BMPER: variants seen among roughly 807,000 people sequenced by gnomAD.
BMPER encodes the protein BMP-binding endothelial regulator protein.
BMPER carries 45 observed loss-of-function variants against 87.3 expected under a neutral mutation model. The ratio of observed to expected loss-of-function variants is 0.52; its 90% CI spans 0.41 to 0.66. The LOEUF (loss-of-function observed/expected upper bound fraction) is 0.66. Among genes scored for constraint, BMPER ranks in the 30% least tolerant of loss-of-function variants. BMPER has a pLI of 0.00. For synonymous variants in BMPER, 326 were observed against 316.2 expected, an observed-to-expected ratio of 1.03 and a Z score of -0.33; for missense variants, 784 against 867.5, an observed-to-expected ratio of 0.90 and a Z score of 1.21.
chr7:34,095,258 G>A (rs1434853244), intron 13 of BMPER, among the ~76,000 whole-genome samples: 2 of 152,192 alleles, frequency 1.3e-5, no homozygotes, highest in Non-Finnish European at 2.9e-5. Context: ...TTTGTTGTTT[G>A]TAGGGGTAGA....
chr7:33,934,845 C>A (rs1243012939), intron 2 of BMPER, among the ~76,000 whole-genome samples: 6 of 152,210 alleles, frequency 3.9e-5, no homozygotes, highest in African/African-American at 1.2e-4. Context: ...GCCAGGTTTG[C>A]TGAATGCATA....
At chr7:33,928,437 C>T (rs1784409435) in intron 2 of BMPER, among the ~76,000 whole-genome samples, 2 of 152,106 alleles carry the variant, frequency 1.3e-5, no homozygotes, top group South Asian at 2.1e-4. Context: ...CAGTGCTACT[C>T]TCTTTTGGGC....
At chr7:34,048,121 C>G (rs1306549615) in intron 7 of BMPER, among the ~76,000 whole-genome samples, 3 of 152,074 alleles carry the variant, frequency 2.0e-5, no homozygotes, top group Non-Finnish European at 4.4e-5. Flanking sequence ...TCTCTCCTTT[C>G]TTTCAGAGTT....
intron 13 of BMPER, among the ~76,000 whole-genome samples, chr7:34,113,255 G>T (rs1297520402): frequency 6.6e-6 from 1 of 151,682 alleles, no homozygotes; most frequent in Non-Finnish European, 1.5e-5. Context: ...GCCTTTTATA[G>T]TATGCTGCAA....
intron 6 of BMPER, among the ~76,000 whole-genome samples, chr7:34,004,682 A>G (rs979613140): frequency 6.6e-6 from 1 of 152,110 alleles, no homozygotes; most frequent in African/African-American, 2.4e-5. Context: ...GGTTAGTTCA[A>G]TGGTCAGCTA....
Position 33,905,586 on chromosome 7 carries a change from A to G in BMPER, c.-28A>G. 1.9e-6 allele frequency: 3 copies of G among 1,609,140 alleles called. No individual in the cohort carries two copies. The highest frequency in any genetic ancestry group is 1.1e-5 in the South Asian group (1 of 90,864). On this transcript the variant is annotated 5_prime_UTR_variant, in exon 1 of 15. Transcript: ENST00000649409. ...GCAGAGGCGGCGGCGCGGGACCTGC[A>G]GTCGCCAGGGATTCCCTCCAGGTGA...
At chr7:34,011,435 A>G (rs1409307797) in intron 6 of BMPER, among the ~76,000 whole-genome samples, 1 of 151,730 alleles carries the variant, frequency 6.6e-6, no homozygotes, top group Non-Finnish European at 1.5e-5. Context: ...TAAAAAGCAT[A>G]TTTTGTATAT....
intron 6 of BMPER, among the ~76,000 whole-genome samples, chr7:34,015,554 T>C (rs1786999343): frequency 6.6e-6 from 1 of 151,902 alleles, no homozygotes; most frequent in South Asian, 2.1e-4. Context: ...GTGACAGAGC[T>C]TCCAACTTTC....
At chr7:34,096,703 A>T (rs546246228) in intron 13 of BMPER, among the ~76,000 whole-genome samples, 10 of 151,130 alleles carry the variant, frequency 6.6e-5, no homozygotes, top group Non-Finnish European at 1.0e-4. Flanking sequence ...TGTACACATT[A>T]AAAAAAAAGA....
chr7:33,990,530 T>C (rs1383971130), intron 6 of BMPER, among the ~76,000 whole-genome samples: 2 of 149,766 alleles, frequency 1.3e-5, no homozygotes, highest in East Asian at 4.0e-4. Flanking sequence ...GACAATGGGG[T>C]TTTCTAGATA....
chr7:33,934,606 A>G (rs752921725), intron 2 of BMPER, among the ~76,000 whole-genome samples: 1 of 151,766 alleles, frequency 6.6e-6, no homozygotes, highest in African/African-American at 2.4e-5. Context: ...CAAACTATTT[A>G]TTATGAATCT....
chr7:33,930,668 T>G (rs1443088174), intron 2 of BMPER, among the ~76,000 whole-genome samples: 1 of 152,168 alleles, frequency 6.6e-6, no homozygotes, highest in Non-Finnish European at 1.5e-5. Flanking sequence ...CTCACTGGGT[T>G]CAGTGGCTCA....
chr7:34,035,244 C>T (rs1787631952), intron 6 of BMPER, among the ~76,000 whole-genome samples: 1 of 152,132 alleles, frequency 6.6e-6, no homozygotes, highest in South Asian at 2.1e-4. Flanking sequence ...GTACTTACAA[C>T]ATTTTAGATT....
At chr7:33,924,211 A>T (rs1229991354) in intron 2 of BMPER, among the ~76,000 whole-genome samples, 1 of 152,130 alleles carries the variant, frequency 6.6e-6, no homozygotes, top group Non-Finnish European at 1.5e-5. Flanking sequence ...CCCATGTTCT[A>T]TTCATTAGCA....
At chr7:33,956,054 C>G (rs1281308806) in intron 3 of BMPER, among the ~76,000 whole-genome samples, 1 of 151,820 alleles carries the variant, frequency 6.6e-6, no homozygotes, top group African/African-American at 2.4e-5. Context: ...AAAAAAACAC[C>G]TCACCTAAAC....
At chr7:34,025,870 A>G (rs1338436334) in intron 6 of BMPER, among the ~76,000 whole-genome samples, 1 of 151,830 alleles carries the variant, frequency 6.6e-6, no homozygotes, top group African/African-American at 2.4e-5. Flanking sequence ...CGTTTTTTGC[A>G]TTTATTCAGA....
chr7:33,913,147 T>C (rs927749265), intron 2 of BMPER, among the ~76,000 whole-genome samples: 1 of 152,152 alleles, frequency 6.6e-6, no homozygotes, highest in African/African-American at 2.4e-5. Context: ...CTAGGGTATC[T>C]GGGACCGTGA....
At chr7:33,940,205 G>T (rs1441857026) in intron 3 of BMPER, among the ~76,000 whole-genome samples, 4 of 152,176 alleles carry the variant, frequency 2.6e-5, no homozygotes, top group Admixed American at 6.5e-5. Flanking sequence ...TTGATATTTT[G>T]CTACCCATAT....
At chr7:34,118,514 G>A (rs140752384) in intron 13 of BMPER, among the ~76,000 whole-genome samples, 42 of 152,224 alleles carry the variant, frequency 2.8e-4, no homozygotes, top group Admixed American at 6.5e-4. Context: ...ATTGCCATGA[G>A]GGGGAAGCAT....
Sources: gnomAD v4.1 joint callset for allele counts (sites outside exome capture counted in the v4.1 genomes callset) on GRCh38, gnomAD v4.1.1 for gene constraint, MANE v1.5 for transcripts, NCBI Gene and HGNC (gene_info 2026-07-23, HGNC 2026-07-21) for gene names.